FAIM2: variants seen among roughly 807,000 people sequenced by gnomAD.
FAIM2 encodes the protein protein lifeguard 2.
Under a neutral mutation model 47.4 loss-of-function variants are expected in FAIM2, and 27 were observed. That is an observed-to-expected ratio of 0.57 (90% CI 0.42 to 0.78). FAIM2 has a LOEUF of 0.78. FAIM2 is among the 30% of genes least tolerant of loss of function. The pLI, the probability that FAIM2 is intolerant of heterozygous loss-of-function variation, is 0.00. For missense variants in FAIM2, 311 were observed against 389.4 expected (o/e 0.80, Z 1.69); for synonymous variants, 156 against 159.3 (o/e 0.98, Z 0.16).
At chr12:49,899,521 T>A (rs1279063793) in intron 2 of FAIM2, among the ~76,000 whole-genome samples, 1 of 152,234 alleles carries the variant, frequency 6.6e-6, no homozygotes, top group Non-Finnish European at 1.5e-5. Context: ...AACCCAAGTA[T>A]ATTTTTTCAA....
chr12:49,897,771 C>A (rs149721225), intron 3 of FAIM2, among the ~76,000 whole-genome samples, 188 bp from the exon 4 acceptor site: 2 of 152,046 alleles, frequency 1.3e-5, no homozygotes, highest in African/African-American at 2.4e-5. Context: ...CGCACCCCCC[C>A]CCAGCATTGG....
chr12:49,880,167 T>TGTGTCTGTGC (rs146657856), intron 11 of FAIM2, among the ~76,000 whole-genome samples: 1,675 of 143,516 alleles, frequency 0.012, 35 homozygotes, highest in African/African-American at 0.041. Flanking sequence ...TGCATGTGTG[T>TGTGTCTGTGC]ATGTGTGTGT....
Position 49,889,201 on chromosome 12 carries a change from A to G in FAIM2, c.653T>C (p.Phe218Ser), listed in dbSNP as rs780505235. The change falls in exon 10 of 12, where the codon TTC becomes TCC. Residue 218 changes from phenylalanine to serine, a missense_variant and splice_region_variant. Physicochemically the swap from Phe to Ser is radical, Grantham distance 155. Coordinates refer to ENST00000320634, the MANE Select transcript of FAIM2 (RefSeq NM_012306.4). The part of the protein sequence containing the change: ...SVTVFSFQTK[F>S]DFTSCQGVLF... ...CACGCCCTGGCAGGAGGTGAAGTCGAACTGTGGGGACAGGATGGGGTTAGC... is the reference window on the plus strand; with the variant it reads ...CACGCCCTGGCAGGAGGTGAAGTCGGACTGTGGGGACAGGATGGGGTTAGC... The G allele has an allele frequency of 6.2e-7, 1 of 1,608,920 alleles. No individual in the cohort carries two copies.
intron 11 of FAIM2, among the ~76,000 whole-genome samples, chr12:49,882,813 G>A (rs1053050183): frequency 6.6e-6 from 1 of 152,210 alleles, no homozygotes; most frequent in Non-Finnish European, 1.5e-5. Context: ...TATGTACCAG[G>A]CCCTGTTCTG....
At chr12:49,891,273 G>A (rs1034021536) in intron 5 of FAIM2, among the ~76,000 whole-genome samples, 159 bp from the exon 6 acceptor site, 1 of 152,130 alleles carries the variant, frequency 6.6e-6, no homozygotes, top group Non-Finnish European at 1.5e-5. Flanking sequence ...CAGTGGGCAG[G>A]GTGGTGGTCC....
chr12:49,885,482 A>G (rs1946854921), intron 11 of FAIM2, among the ~76,000 whole-genome samples: 1 of 152,020 alleles, frequency 6.6e-6, no homozygotes, highest in African/African-American at 2.4e-5. Flanking sequence ...ATCCTTTGAA[A>G]CCTTTCTTTA....
intron 2 of FAIM2, chr12:49,900,041 T>A: frequency 2.8e-6 from 1 of 358,484 alleles, no homozygotes; most frequent in South Asian, 2.2e-5. Flanking sequence ...TCGTGTCCTG[T>A]CTACATATTC....
intron 10 of FAIM2, among the ~76,000 whole-genome samples, chr12:49,888,837 C>T (rs78545202): frequency 0.01 from 1,529 of 152,348 alleles, 22 homozygotes; most frequent in African/African-American, 0.034. Context: ...TACCCTCAAT[C>T]TCACCTCCAC....
chr12:49,871,459 T>A (rs1946702131), intron 11 of FAIM2, among the ~76,000 whole-genome samples: 1 of 152,068 alleles, frequency 6.6e-6, no homozygotes, highest in Non-Finnish European at 1.5e-5. Context: ...CTGCCAGGCC[T>A]GCCCACTGTA....
chr12:49,884,744 G>A (rs1211374055), intron 11 of FAIM2, among the ~76,000 whole-genome samples: 1 of 152,234 alleles, frequency 6.6e-6, no homozygotes, highest in Non-Finnish European at 1.5e-5. Flanking sequence ...GGAGGCCAAG[G>A]CGGGCGGATC....
At chr12:49,899,204 C>T (rs1946963772) in intron 2 of FAIM2, among the ~76,000 whole-genome samples, 1 of 152,176 alleles carries the variant, frequency 6.6e-6, no homozygotes. Context: ...AAAGCCTATG[C>T]TCTCTGGTGG....
Position 49,868,176 on chromosome 12 carries a change from G to A in FAIM2, c.*2328C>T, listed in dbSNP as rs188304298. 1 of 152,336 alleles carries A rather than the reference G, an allele frequency of 6.6e-6. No individual in the cohort carries two copies. Among genetic ancestry groups the A allele is most frequent in the Non-Finnish European group, 1.5e-5 (1 of 68,178 alleles). The allele number at this position is 152,336 out of a possible 1,614,324, so 9.4% of individuals were successfully genotyped here. The stretch of plus-strand genomic sequence containing the variant: ...AGTGGCAGGAGAGTGGGGTGCTGGG[G>A]CTAACCCTCTGGAACTGAGGCCAGA... On this transcript the variant is annotated 3_prime_UTR_variant, in exon 12 of 12. Transcript: ENST00000320634.
In FAIM2 at chr12:49,898,061, G is replaced by A. The variant is rs967151883; in HGVS notation, c.241C>T (p.Pro81Ser). The change falls in exon 3 of 12, where the codon CCC (proline) becomes TCC (serine). Residue 81 changes from proline (P) to serine (S), a missense_variant. Physicochemically the swap from Pro to Ser is moderately conservative, Grantham distance 74. Coordinates refer to ENST00000320634, the MANE Select transcript of FAIM2 (RefSeq NM_012306.4). ...SSSSSYDNGF[P>S]TGDHELFTTF... Reference sequence around the variant, plus strand: ...GTGAAGAGCTCATGGTCTCCGGTGGGGAAACCGTTGTCATAGCTGGAGCTG... The same window carrying A: ...GTGAAGAGCTCATGGTCTCCGGTGGAGAAACCGTTGTCATAGCTGGAGCTG... The A allele has an allele frequency of 6.2e-7, 1 of 1,613,962 alleles. No homozygotes were observed. Among genetic ancestry groups the A allele is most frequent in the East Asian group, 2.2e-5 (1 of 44,878 alleles).
At position 49,870,395 on chromosome 12, in the gene FAIM2, A is replaced by T; in HGVS notation, c.*109T>A. ...CTGGGGTAGACAGTGACCTGGCCACAGGCTGGGTTGGCAGCTAGTTTTATA... is the reference window on the plus strand; with the variant it reads ...CTGGGGTAGACAGTGACCTGGCCACTGGCTGGGTTGGCAGCTAGTTTTATA... On this transcript the variant is annotated 3_prime_UTR_variant, in exon 12 of 12. Coordinates refer to ENST00000320634, the MANE Select transcript of FAIM2 (RefSeq NM_012306.4). The T allele has an allele frequency of 9.5e-7, 1 of 1,051,966 alleles. No homozygotes were observed. Among genetic ancestry groups the T allele is most frequent in the Non-Finnish European group, 1.4e-6 (1 of 703,058 alleles). 65.2% of individuals were successfully genotyped at this position (1,051,966 alleles called of 1,614,324 possible).
chr12:49,870,642 A>C lies in FAIM2; in HGVS notation c.813T>G (p.Leu271=), dbSNP rs1023628189. 1 of 1,613,794 alleles carries C rather than the reference A, an allele frequency of 6.2e-7. No homozygotes were observed. The highest frequency in any genetic ancestry group is 8.5e-7 in the Non-Finnish European group (1 of 1,179,972). The stretch of plus-strand genomic sequence containing the variant: ...GGTTACCCATCAGCAACTGGGTGTC[A>C]AGTGCCAGGAACTGGGAGAAGTGAG... The part of the protein sequence containing the change: ...GAGVFTLFLA[L]DTQLLMGNRR... Residue 271 remains leucine, a synonymous_variant, in exon 12 of 12, where the codon CTT becomes CTG. Coordinates refer to ENST00000320634, the MANE Select transcript of FAIM2 (RefSeq NM_012306.4).
At chr12:49,878,130 G>A (rs1225756356) in intron 11 of FAIM2, among the ~76,000 whole-genome samples, 2 of 136,280 alleles carry the variant, frequency 1.5e-5, no homozygotes, top group African/African-American at 5.5e-5. Context: ...ATGTGTGCAT[G>A]TGAGTGTGCA....
chr12:49,899,403 C>CT (rs1165926929), intron 2 of FAIM2, among the ~76,000 whole-genome samples: 1 of 152,198 alleles, frequency 6.6e-6, no homozygotes, highest in Non-Finnish European at 1.5e-5. Flanking sequence ...TCTTCAATGG[C>CT]TCCCCACTGC....
intron 11 of FAIM2, among the ~76,000 whole-genome samples, chr12:49,880,052 ATATGTAT>A (rs1946798153): frequency 3.0e-5 from 4 of 133,972 alleles, no homozygotes; most frequent in African/African-American, 1.1e-4. Context: ...GCATGTGTAT[ATATGTAT>A]TTATTTGTGT....
chr12:49,880,233 TG>T (rs1946803142), intron 11 of FAIM2, among the ~76,000 whole-genome samples: 1 of 151,740 alleles, frequency 6.6e-6, no homozygotes, highest in African/African-American at 2.4e-5. Flanking sequence ...TGCATGCATG[TG>T]TGTATGTGTA....
Sources: allele counts gnomAD v4.1 joint callset (sites outside exome capture counted in the v4.1 genomes callset), GRCh38; gene constraint gnomAD v4.1.1; transcripts MANE v1.5; gene names NCBI Gene and HGNC (gene_info 2026-07-23, HGNC 2026-07-21).